The following SGCD variants were observed in gnomAD, a reference collection of about 807,000 sequenced individuals.
SGCD encodes sarcoglycan delta.
In SGCD, 18 loss-of-function variants were observed where a neutral mutation model predicts 36.6. The observed-to-expected ratio is 0.49, with a 90% CI of 0.34 to 0.73. The LOEUF (loss-of-function observed/expected upper bound fraction) is 0.73. Ranked by LOEUF, SGCD falls within the 30% of genes least tolerant of loss-of-function variation. The pLI is 0.01. For missense variants in SGCD, 387 were observed against 346.7 expected (o/e 1.12, Z -0.92); for synonymous variants, 133 against 130.6 (o/e 1.02, Z -0.12).
chr5:156,159,870 T>C (rs949626639), intron 3 of SGCD, among the ~76,000 whole-genome samples: 1 of 151,638 alleles, frequency 6.6e-6, no homozygotes, highest in Non-Finnish European at 1.5e-5. Context: ...GAATACCTTC[T>C]TTAACAAATC....
chr5:155,877,188 C>T (rs1184986044), intron 1 of SGCD, among the ~76,000 whole-genome samples: 1 of 152,016 alleles, frequency 6.6e-6, no homozygotes, highest in African/African-American at 2.4e-5. Flanking sequence ...AAATTCAGTC[C>T]AACTGTGTCT....
Position 156,206,726 on chromosome 5 carries a change from A to AT in SGCD, c.-44+82717dup, listed in dbSNP as rs939847032. On this transcript the variant is annotated intron_variant, in intron 3 of 9. Coordinates refer to the SGCD transcript ENST00000517913. The stretch of plus-strand genomic sequence containing the variant: ...TATACTATAAGTTTGGCAGTGAATA[A>AT]TTTTTTTTTTCATTCAAGGAAGGGC... 1.5e-3 allele frequency among the ~76,000 whole-genome samples: 231 copies of AT among 150,382 alleles called. 1 individual carries two copies. Among genetic ancestry groups the AT allele is most frequent in the Non-Finnish European group, 2.1e-3 (142 of 67,374 alleles).
the SGCD span, among the ~76,000 whole-genome samples, chr5:155,774,760 C>T: frequency 6.6e-6 from 1 of 152,134 alleles, no homozygotes; most frequent in African/African-American, 2.4e-5. Context: ...ATCATCTCCC[C>T]ACCTCAAGGT....
intron 3 of SGCD, among the ~76,000 whole-genome samples, chr5:156,293,314 T>G (rs903752770): frequency 2.0e-5 from 3 of 152,162 alleles, no homozygotes; most frequent in Non-Finnish European, 4.4e-5. Context: ...AAAGTTACAT[T>G]TGTCTGCTTT....
chr5:156,693,198 C>T (rs1000179633), intron 7 of SGCD, among the ~76,000 whole-genome samples: 4 of 152,160 alleles, frequency 2.6e-5, no homozygotes, highest in African/African-American at 9.7e-5. Flanking sequence ...ACTTTTTCTA[C>T]TCAAGCTGTG....
intron 7 of SGCD, among the ~76,000 whole-genome samples, chr5:156,665,336 C>T (rs71591065): frequency 0.032 from 4,791 of 151,448 alleles, no homozygotes; most frequent in Non-Finnish European, 0.048. Context: ...TTATAGTCAA[C>T]ATTTTGCGTT....
At chr5:156,260,016 A>T (rs1265515585) in intron 3 of SGCD, among the ~76,000 whole-genome samples, 5 of 152,184 alleles carry the variant, frequency 3.3e-5, no homozygotes, top group Admixed American at 1.3e-4. Flanking sequence ...ACACAAAATG[A>T]ATTAAGACAA....
At chr5:156,256,219 A>G (rs1364984220) in intron 3 of SGCD, among the ~76,000 whole-genome samples, 1 of 152,228 alleles carries the variant, frequency 6.6e-6, no homozygotes, top group Admixed American at 6.5e-5. Context: ...TTTAATAAGC[A>G]TGCAATAAAA....
At chr5:156,012,614 A>ATTT (rs56739452) in intron 1 of SGCD, among the ~76,000 whole-genome samples, 1 of 138,628 alleles carries the variant, frequency 7.2e-6, no homozygotes, top group Non-Finnish European at 1.6e-5. Flanking sequence ...CACAGAGATA[A>ATTT]TTTTTTTTTT....
At chr5:156,484,048 CAG>C (rs1025823418) in intron 3 of SGCD, among the ~76,000 whole-genome samples, 3 of 152,182 alleles carry the variant, frequency 2.0e-5, no homozygotes, top group African/African-American at 7.2e-5. Flanking sequence ...TTCTAATAAA[CAG>C]AGAAACAAAC....
intron 3 of SGCD, among the ~76,000 whole-genome samples, chr5:156,464,508 C>T (rs998972332): frequency 2.0e-4 from 30 of 152,114 alleles, no homozygotes; most frequent in Non-Finnish European, 2.6e-4. Flanking sequence ...GTGTGAGCCA[C>T]CATGCCCGGC....
intron 3 of SGCD, among the ~76,000 whole-genome samples, chr5:156,356,863 G>A (rs377747449): frequency 2.6e-5 from 4 of 152,242 alleles, no homozygotes; most frequent in Non-Finnish European, 4.4e-5. Flanking sequence ...AGAGGAGGAG[G>A]CAATATGATC....
intron 3 of SGCD, among the ~76,000 whole-genome samples, chr5:156,275,888 C>A (rs901713210): frequency 2.0e-5 from 3 of 152,134 alleles, no homozygotes; most frequent in African/African-American, 7.2e-5. Flanking sequence ...CATCTAAAAC[C>A]ATGTAACTAC....
chr5:156,423,163 T>TTTAATTAATTATTTAAA (rs1238069808), intron 3 of SGCD, among the ~76,000 whole-genome samples: 2 of 13,824 alleles, frequency 1.4e-4, no homozygotes, highest in Admixed American at 1.0e-3. Flanking sequence ...TATTTAAATA[T>TTTAATTAATTATTTAAA]TATATTTAAT....
chr5:156,471,293 A>G (rs910581777), intron 3 of SGCD, among the ~76,000 whole-genome samples: 36 of 152,308 alleles, frequency 2.4e-4, no homozygotes, highest in Middle Eastern at 3.4e-3. Flanking sequence ...TAAGAAAATG[A>G]CACACTATTT....
the SGCD span, among the ~76,000 whole-genome samples, chr5:155,851,197 C>A: frequency 6.6e-6 from 1 of 152,080 alleles, no homozygotes; most frequent in Non-Finnish European, 1.5e-5. Context: ...ATGAATATGG[C>A]GACATGCAGT....
intron 6 of SGCD, among the ~76,000 whole-genome samples, chr5:156,639,952 T>C (rs1289013916): frequency 6.6e-6 from 1 of 151,876 alleles, no homozygotes; most frequent in Non-Finnish European, 1.5e-5. Context: ...ACTCTAACCA[T>C]TGCTTGGATC....
At chr5:156,582,286 G>A (rs1323080662) in intron 4 of SGCD, among the ~76,000 whole-genome samples, 1 of 152,140 alleles carries the variant, frequency 6.6e-6, no homozygotes, top group Non-Finnish European at 1.5e-5. Flanking sequence ...TCTCATACGG[G>A]TTTGGGGTTG....
At chr5:155,907,230 TA>T (rs541540985) in intron 1 of SGCD, among the ~76,000 whole-genome samples, 68 of 148,312 alleles carry the variant, frequency 4.6e-4, no homozygotes, top group African/African-American at 1.2e-3. Context: ...AAGAGATTAT[TA>T]AAAAAAAAAA....
Sources: allele counts gnomAD v4.1 joint callset (sites outside exome capture counted in the v4.1 genomes callset), GRCh38; gene constraint gnomAD v4.1.1; transcripts MANE v1.5; gene names NCBI Gene and HGNC (gene_info 2026-07-23, HGNC 2026-07-21).